The following ODAD2 variants were observed in gnomAD, a reference collection of about 807,000 sequenced individuals.
ODAD2 encodes the protein outer dynein arm-docking complex subunit 2.
A neutral mutation model predicts 106.8 loss-of-function variants in ODAD2; 89 were observed. The ratio of observed to expected loss-of-function variants is 0.83; its 90% CI spans 0.70 to 0.99. The LOEUF (loss-of-function observed/expected upper bound fraction) is 0.99, where lower values mean the gene tolerates loss of function less well. ODAD2 is among the 50% of genes least tolerant of loss of function. ODAD2 has a pLI of 0.00. For missense variants in ODAD2, 1,168 were observed against 1,238.5 expected, an observed-to-expected ratio of 0.94 and a Z score of 0.85; for synonymous variants, 404 against 436.2, an observed-to-expected ratio of 0.93 and a Z score of 0.92.
chr10:27,860,184 A>G lies in ODAD2; in HGVS notation c.3021+441T>C, dbSNP rs143146880. On this transcript the variant is annotated intron_variant, in intron 19 of 19. Transcript: ENST00000305242. ...CATAACACACTGGCTGGGCATTGTG[A>G]CTCACTCCTGTAATCCCAACACTTT... Among the ~76,000 whole-genome samples the G allele has an allele frequency of 5.7e-3, 870 of 152,268 alleles. 8 individuals are homozygous for G. Among genetic ancestry groups the G allele is most frequent in the African/African-American group, 0.02 (842 of 41,552 alleles).
chr10:27,826,571 C>T (rs1837061071), intron 19 of ODAD2, among the ~76,000 whole-genome samples: 1 of 152,094 alleles, frequency 6.6e-6, no homozygotes, highest in Admixed American at 6.5e-5. Flanking sequence ...TCACTGCCAC[C>T]ACACGCACAG....
At position 27,944,975 on chromosome 10, in the gene ODAD2, A is replaced by G; in HGVS notation, c.1387-13T>C. The stretch of plus-strand genomic sequence containing the variant: ...TTTGATTTCCTCCCTACAAAGATGC[A>G]ATGCCAGAGAAAGGTTAAGGAACAC... On this transcript the variant is annotated splice_polypyrimidine_tract_variant and intron_variant, in intron 10 of 19. Coordinates refer to ENST00000305242, the MANE Select transcript of ODAD2 (RefSeq NM_018076.5). 2 of 1,613,768 alleles carry G rather than the reference A, an allele frequency of 1.2e-6. No homozygotes were observed. Among genetic ancestry groups the G allele is most frequent in the Non-Finnish European group, 1.7e-6 (2 of 1,179,734 alleles).
intron 10 of ODAD2, among the ~76,000 whole-genome samples, chr10:27,953,178 G>A (rs1177918729): frequency 6.6e-6 from 1 of 152,066 alleles, no homozygotes; most frequent in Non-Finnish European, 1.5e-5. Flanking sequence ...CACTTAATCT[G>A]AGATTTACTT....
intron 17 of ODAD2, among the ~76,000 whole-genome samples, chr10:27,889,979 A>G (rs887177091): frequency 1.3e-5 from 2 of 152,206 alleles, no homozygotes; most frequent in African/African-American, 4.8e-5. Context: ...ACTTGAGGGT[A>G]TTTGAAATGC....
chr10:27,945,565 AGTCTT>A (rs779865743), intron 10 of ODAD2, among the ~76,000 whole-genome samples: 27 of 152,306 alleles, frequency 1.8e-4, no homozygotes, highest in South Asian at 2.1e-4. Flanking sequence ...CTGAACGCAG[AGTCTT>A]GCAAACCAAT....
At chr10:27,858,664 T>C (rs1482087577) in intron 19 of ODAD2, among the ~76,000 whole-genome samples, 1 of 152,192 alleles carries the variant, frequency 6.6e-6, no homozygotes, top group Non-Finnish European at 1.5e-5. Context: ...CCAAACACAG[T>C]TTGGTCACTT....
chr10:27,827,353 C>G (rs1227471045), intron 19 of ODAD2, among the ~76,000 whole-genome samples: 1 of 133,634 alleles, frequency 7.5e-6, no homozygotes, highest in Non-Finnish European at 1.5e-5. Flanking sequence ...ATATACATAG[C>G]AGACACACAC....
intron 16 of ODAD2, among the ~76,000 whole-genome samples, chr10:27,912,569 CACAGG>C (rs1339785122): frequency 6.6e-6 from 1 of 152,082 alleles, no homozygotes; most frequent in Non-Finnish European, 1.5e-5. Flanking sequence ...ATACTGTGGG[CACAGG>C]CAAGGTTGTA....
intron 16 of ODAD2, among the ~76,000 whole-genome samples, chr10:27,913,868 C>T (rs1844181954): frequency 6.6e-6 from 1 of 152,146 alleles, no homozygotes; most frequent in South Asian, 2.1e-4. Context: ...AAAGGGAAAG[C>T]TTGTACACTG....
At chr10:27,974,207 A>T (rs898543515) in intron 7 of ODAD2, among the ~76,000 whole-genome samples, 8 of 152,234 alleles carry the variant, frequency 5.3e-5, no homozygotes, top group African/African-American at 1.9e-4. Flanking sequence ...TTGCAAATAT[A>T]TTCTCCCATT....
chr10:27,823,964 C>T (rs1164103038), intron 19 of ODAD2, among the ~76,000 whole-genome samples: 1 of 121,906 alleles, frequency 8.2e-6, no homozygotes, highest in Non-Finnish European at 1.6e-5. Flanking sequence ...CACGGTGAAA[C>T]CCCGTCTCTA....
intron 17 of ODAD2, among the ~76,000 whole-genome samples, chr10:27,873,517 A>G (rs1162586935): frequency 2.1e-5 from 3 of 141,100 alleles, no homozygotes; most frequent in Non-Finnish European, 3.1e-5. Context: ...CCCTCTACAC[A>G]CTGCTTTAAA....
intron 19 of ODAD2, among the ~76,000 whole-genome samples, chr10:27,839,132 A>C (rs1262760689): frequency 6.6e-6 from 1 of 152,218 alleles, no homozygotes; most frequent in Non-Finnish European, 1.5e-5. Flanking sequence ...TTTTGGTAAC[A>C]TGATGATGTT....
At chr10:27,832,762 C>T (rs755127066) in intron 19 of ODAD2, among the ~76,000 whole-genome samples, 4 of 152,180 alleles carry the variant, frequency 2.6e-5, no homozygotes, top group African/African-American at 9.7e-5. Flanking sequence ...GCAGGATACA[C>T]TCACAATGGG....
At position 27,881,873 on chromosome 10, in the gene ODAD2, G is replaced by C. The variant is rs112483956; in HGVS notation, c.2611-19251C>G. On this transcript the variant is annotated intron_variant, in intron 17 of 19. Coordinates refer to ENST00000305242, the MANE Select transcript of ODAD2 (RefSeq NM_018076.5). Reference sequence around the variant, plus strand: ...TATAATTACTTGGGGTGATTTCTTAGAAATATGAATGCTCAAACTGGGCAT... The same window carrying C: ...TATAATTACTTGGGGTGATTTCTTACAAATATGAATGCTCAAACTGGGCAT... Among the ~76,000 whole-genome samples the C allele has an allele frequency of 8.4e-3, 1,279 of 152,058 alleles. 22 individuals are homozygous for C. The highest frequency in any genetic ancestry group is 0.029 in the African/African-American group (1,218 of 41,472).
chr10:27,917,351 T>C (rs1344976859), intron 16 of ODAD2, among the ~76,000 whole-genome samples: 3 of 152,062 alleles, frequency 2.0e-5, no homozygotes, highest in African/African-American at 7.2e-5. Flanking sequence ...ACAACTTATG[T>C]TTGTGGGATG....
intron 3 of ODAD2, among the ~76,000 whole-genome samples, chr10:27,986,553 GC>G (rs1463137752): frequency 1.1e-4 from 16 of 152,246 alleles, no homozygotes; most frequent in African/African-American, 3.1e-4. Flanking sequence ...AAAAGAGGTT[GC>G]CATCCTGAGG....
intron 17 of ODAD2, among the ~76,000 whole-genome samples, chr10:27,868,982 T>C (rs953741504): frequency 2.6e-5 from 4 of 151,834 alleles, no homozygotes; most frequent in Non-Finnish European, 5.9e-5. Context: ...TAAGATAAAA[T>C]TTCAATAGGA....
chr10:27,823,418 G>C (rs1836768606), intron 19 of ODAD2, among the ~76,000 whole-genome samples: 1 of 152,172 alleles, frequency 6.6e-6, no homozygotes, highest in Non-Finnish European at 1.5e-5. Context: ...TTTATGCTTT[G>C]AGTTCAGACA....
Sources: gnomAD v4.1 joint callset for allele counts (sites outside exome capture counted in the v4.1 genomes callset) on GRCh38, gnomAD v4.1.1 for gene constraint, MANE v1.5 for transcripts, NCBI Gene and HGNC (gene_info 2026-07-23, HGNC 2026-07-21) for gene names.